The following AGBL1 variants were observed in gnomAD, a reference collection of about 807,000 sequenced individuals.
The protein encoded by AGBL1 is AGBL carboxypeptidase 1, also known as cytosolic carboxypeptidase 4.
AGBL1 carries 130 observed loss-of-function variants against 118.9 expected under a neutral mutation model. That is an observed-to-expected ratio of 1.09 (90% CI 0.95 to 1.26). The LOEUF is 1.26. Among genes scored for constraint, AGBL1 ranks in the 50% most tolerant of loss-of-function variants. The pLI is 0.00. For missense variants in AGBL1, 1,584 were observed against 1,298.1 expected, an observed-to-expected ratio of 1.22 and a Z score of -3.38; for synonymous variants, 555 against 478.9, an observed-to-expected ratio of 1.16 and a Z score of -2.08.
At chr15:86,200,600 A>G (rs1268051006) in intron 5 of AGBL1, among the ~76,000 whole-genome samples, 1 of 116,458 alleles carries the variant, frequency 8.6e-6, no homozygotes, top group Non-Finnish European at 1.7e-5. Flanking sequence ...GTTTTAAGCA[A>G]TCATGAATCC....
At chr15:86,308,970 G>T (rs750636757) in intron 17 of AGBL1, among the ~76,000 whole-genome samples, 28 of 152,116 alleles carry the variant, frequency 1.8e-4, no homozygotes, top group Non-Finnish European at 3.5e-4. Flanking sequence ...AAGTATCATT[G>T]GAATTTTGAT....
chr15:86,703,278 T>C (rs970757510), intron 22 of AGBL1, among the ~76,000 whole-genome samples: 5 of 152,166 alleles, frequency 3.3e-5, no homozygotes, highest in African/African-American at 1.2e-4. Flanking sequence ...ACACTGAGTT[T>C]GAATACTGGC....
intron 1 of AGBL1, among the ~76,000 whole-genome samples, chr15:86,129,592 G>A (rs1180626057): frequency 1.3e-5 from 2 of 152,306 alleles, no homozygotes; most frequent in African/African-American, 4.8e-5. Flanking sequence ...TTTGTATTTT[G>A]CAACATCTGT....
chr15:86,548,663 G>GCACGCGCA (rs1555424781), intron 20 of AGBL1, among the ~76,000 whole-genome samples: 8 of 142,694 alleles, frequency 5.6e-5, no homozygotes, highest in African/African-American at 1.6e-4. Context: ...ACACATGCAC[G>GCACGCGCA]CACACACACA....
chr15:86,598,363 G>T (rs2084441335), intron 21 of AGBL1, among the ~76,000 whole-genome samples: 1 of 152,110 alleles, frequency 6.6e-6, no homozygotes, highest in South Asian at 2.1e-4. Context: ...CAATTGCCAA[G>T]ACAACAAATT....
intron 18 of AGBL1, among the ~76,000 whole-genome samples, chr15:86,475,049 A>G (rs1413929065): frequency 1.3e-5 from 2 of 152,264 alleles, no homozygotes; most frequent in African/African-American, 4.8e-5. Flanking sequence ...AACAGAAAGG[A>G]CATCTACACC....
intron 22 of AGBL1, among the ~76,000 whole-genome samples, chr15:86,842,570 A>G (rs1278409374): frequency 6.6e-6 from 1 of 152,186 alleles, no homozygotes; most frequent in Non-Finnish European, 1.5e-5. Flanking sequence ...GAAACAGGCA[A>G]TCTAACCATT....
At chr15:86,268,035 A>G (rs78566391) in intron 13 of AGBL1, among the ~76,000 whole-genome samples, 2,656 of 152,306 alleles carry the variant, frequency 0.017, 47 homozygotes, top group East Asian at 0.069. Context: ...GCTAAGTAAT[A>G]CACTTAAGTC....
intron 1 of AGBL1, among the ~76,000 whole-genome samples, chr15:86,120,457 A>G (rs1160983675): frequency 6.6e-6 from 1 of 152,214 alleles, no homozygotes; most frequent in African/African-American, 2.4e-5. Flanking sequence ...ATGCTAAAAA[A>G]TTGTATTAAG....
At chr15:86,798,794 C>T (rs1227489835) in intron 22 of AGBL1, among the ~76,000 whole-genome samples, 1 of 149,788 alleles carries the variant, frequency 6.7e-6, no homozygotes, top group African/African-American at 2.5e-5. Flanking sequence ...CCTGAAGAAA[C>T]CATAGTCAGG....
rs375462701 is a variant in AGBL1 at position 86,672,974 on chromosome 15, T to G, written c.2995-1299T>G. Among the ~76,000 whole-genome samples, 5 of 152,312 alleles carry G rather than the reference T, an allele frequency of 3.3e-5. No individual in the cohort carries two copies. The South Asian group carries it at 1.0e-3, about 32-fold the overall frequency. On this transcript the variant is annotated intron_variant, in intron 21 of 22. Transcript: ENST00000614907. ...GGCTTATGATTTCCCAGTTTGGAAT[T>G]TTGTTTCTCCTTGAGGTGCTTATGA... is the stretch of plus-strand genomic sequence containing the variant.
intron 23 of AGBL1, among the ~76,000 whole-genome samples, chr15:86,924,667 C>T (rs1350203896): frequency 6.6e-6 from 1 of 152,122 alleles, no homozygotes; most frequent in African/African-American, 2.4e-5. Context: ...CAAGATTGTT[C>T]GTAGGTTCCC....
chr15:86,731,624 G>A (rs1479596777), intron 22 of AGBL1, among the ~76,000 whole-genome samples: 6 of 152,164 alleles, frequency 3.9e-5, no homozygotes, highest in Non-Finnish European at 7.3e-5. Context: ...TGGCAGATGA[G>A]ACTTGAAAGC....
intron 22 of AGBL1, among the ~76,000 whole-genome samples, chr15:86,842,729 T>G (rs186094872): frequency 2.0e-5 from 3 of 152,298 alleles, no homozygotes; most frequent in Admixed American, 2.0e-4. Context: ...TTTTCCTTAA[T>G]TCTTTCAATT....
chr15:86,121,510 T>A (rs924350541), intron 1 of AGBL1, among the ~76,000 whole-genome samples: 1 of 152,216 alleles, frequency 6.6e-6, no homozygotes, highest in Non-Finnish European at 1.5e-5. Context: ...GATGCTAAGT[T>A]CCTTGTCCCT....
At chr15:86,571,898 C>G (rs2084013988) in intron 21 of AGBL1, among the ~76,000 whole-genome samples, 1 of 152,166 alleles carries the variant, frequency 6.6e-6, no homozygotes, top group Non-Finnish European at 1.5e-5. Context: ...CTGCCTCCTG[C>G]CGCTGTTCTC....
At chr15:86,768,333 A>G (rs2078125556) in intron 22 of AGBL1, among the ~76,000 whole-genome samples, 1 of 152,026 alleles carries the variant, frequency 6.6e-6, no homozygotes, top group South Asian at 2.1e-4. Context: ...GTAACATAGC[A>G]TAACATACTC....
chr15:86,580,759 G>A (rs1005498481), intron 21 of AGBL1, among the ~76,000 whole-genome samples: 2 of 152,058 alleles, frequency 1.3e-5, no homozygotes, highest in African/African-American at 4.8e-5. Context: ...AGAAATTTTT[G>A]TTAACTATAT....
intron 5 of AGBL1, among the ~76,000 whole-genome samples, chr15:86,162,233 C>G (rs2077276723): frequency 6.6e-6 from 1 of 152,136 alleles, no homozygotes; most frequent in Non-Finnish European, 1.5e-5. Context: ...GCATGGATAG[C>G]TCTACTAAGT....
Sources: gnomAD v4.1 joint callset for allele counts (sites outside exome capture counted in the v4.1 genomes callset) on GRCh38, gnomAD v4.1.1 for gene constraint, MANE v1.5 for transcripts, NCBI Gene and HGNC (gene_info 2026-07-23, HGNC 2026-07-21) for gene names.